The following ATM variants were observed in gnomAD, a reference collection of about 807,000 sequenced individuals.
ATM encodes serine-protein kinase ATM.
ATM carries 308 observed loss-of-function variants against 387.0 expected under a neutral mutation model. The observed-to-expected ratio is 0.80, with a 90% CI of 0.73 to 0.87. The LOEUF (loss-of-function observed/expected upper bound fraction) is 0.87. Among genes scored for constraint, ATM ranks in the 40% least tolerant of loss-of-function variants. ATM has a pLI of 0.00. For missense variants in ATM, 3,312 were observed against 3,560.9 expected, an observed-to-expected ratio of 0.93 and a Z score of 1.78; for synonymous variants, 1,156 against 1,187.3, an observed-to-expected ratio of 0.97 and a Z score of 0.54.
At chr11:108,245,945 G>A (rs905260992) in intron 7 of ATM, among the ~76,000 whole-genome samples, 1 of 150,926 alleles carries the variant, frequency 6.6e-6, no homozygotes, top group African/African-American at 2.4e-5. Flanking sequence ...CTGCCTCAGC[G>A]TTCTGATTAG....
intron 5 of ATM, among the ~76,000 whole-genome samples, chr11:108,240,396 T>C (rs911319089): frequency 6.6e-6 from 1 of 152,200 alleles, no homozygotes. Context: ...GCATGTCATA[T>C]ACAGTTGTGC....
At chr11:108,334,077 A>T in intron 54 of ATM, 109 bp downstream of exon 54, 5 of 826,000 alleles carry the variant, frequency 6.1e-6, no homozygotes, top group Non-Finnish European at 8.1e-6. Flanking sequence ...ATATTGGCAA[A>T]TTTCATATGT....
chr11:108,360,927 G>A (rs1291274621), intron 61 of ATM, among the ~76,000 whole-genome samples: 1 of 112,206 alleles, frequency 8.9e-6, no homozygotes, highest in Non-Finnish European at 1.8e-5. Context: ...ATTCAACATA[G>A]TGTTGGAAGT....
rs2081388548 is a variant in ATM, at chr11:108,268,521, C to T, written c.2750C>T (p.Ser917Phe). The T allele has an allele frequency of 6.2e-7, 1 of 1,614,036 alleles. No individual in the cohort carries two copies. The highest frequency in any genetic ancestry group is 8.5e-7 in the Non-Finnish European group (1 of 1,179,988). ...ACTACTGCTCAGACCAATACTGTGT[C>T]CTTTAGGGCAGCTGATATTCGGAGG... Reference protein sequence around the residue: ...CVTTAQTNTVSFRAADIRRKL... With the variant: ...CVTTAQTNTVFFRAADIRRKL... Residue 917 changes from serine to phenylalanine, a missense_variant, in exon 18 of 63, where the codon TCC (serine) becomes TTC (phenylalanine). By Grantham distance (155) the Ser-to-Phe change is radical. Transcript: ENST00000675843.
Position 108,268,506 on chromosome 11 carries a change from A to G in ATM, c.2735A>G (p.Gln912Arg), listed in dbSNP as rs730881353. 9.9e-6 allele frequency: 16 copies of G among 1,613,982 alleles called. No homozygotes were observed. In the Admixed American group the frequency reaches 1.2e-4, roughly 12 times the overall value. The change falls in exon 18 of 63, where the codon CAG (glutamine) becomes CGG (arginine). Residue 912 changes from glutamine (Q) to arginine (R), a missense_variant. By Grantham distance (43) the Gln-to-Arg change is conservative (BLOSUM62 1). Transcript: ENST00000675843. The stretch of plus-strand genomic sequence containing the variant: ...TTGTGTTTGTGTGTAACTACTGCTC[A>G]GACCAATACTGTGTCCTTTAGGGCA... ...KFLCLCVTTA[Q>R]TNTVSFRAAD...
intron 59 of ATM, among the ~76,000 whole-genome samples, chr11:108,351,847 C>G (rs967859158): frequency 6.6e-6 from 1 of 152,144 alleles, no homozygotes; most frequent in African/African-American, 2.4e-5. Flanking sequence ...ATACTGTTAC[C>G]TGCTAGTCTA....
At chr11:108,362,824 A>G (rs2090937611) in intron 61 of ATM, among the ~76,000 whole-genome samples, 1 of 147,750 alleles carries the variant, frequency 6.8e-6, no homozygotes, top group African/African-American at 2.5e-5. Context: ...GGGGAGGGAT[A>G]GCATTGGGAG....
At chr11:108,235,062 C>T (rs992665609) in intron 4 of ATM, among the ~76,000 whole-genome samples, 1 of 152,014 alleles carries the variant, frequency 6.6e-6, no homozygotes, top group South Asian at 2.1e-4. Flanking sequence ...GATTGCTTTT[C>T]GAGATGAGCA....
intron 8 of ATM, 39 bp from the exon 9 acceptor site, chr11:108,248,894 A>G: frequency 6.4e-7 from 1 of 1,552,828 alleles, no homozygotes; most frequent in South Asian, 1.2e-5. Flanking sequence ...GGCTCAAAAA[A>G]AAAAAAAAGA....
intron 13 of ATM, among the ~76,000 whole-genome samples, chr11:108,254,812 G>A (rs2080373577): frequency 1.3e-5 from 2 of 151,940 alleles, no homozygotes; most frequent in Admixed American, 6.6e-5. Flanking sequence ...CCACGCCCAG[G>A]TAATTTTTGT....
At chr11:108,355,718 T>G (rs941055532) in intron 61 of ATM, 1 of 152,230 alleles carries the variant, frequency 6.6e-6, no homozygotes, top group Admixed American at 6.5e-5. Context: ...CAAACCAGGT[T>G]TCTAGAGATG....
rs78326890 is a variant in ATM at position 108,228,633 on chromosome 11, A to G, written c.186-545A>G. On this transcript the variant is annotated intron_variant, in intron 3 of 62. Transcript: ENST00000675843. ...TTGACTGTTACAGATTTGAAAGCAT[A>G]TAAAATGAAACATGCATGCTGTTTT... 7.1e-4 allele frequency among the ~76,000 whole-genome samples: 108 copies of G among 152,354 alleles called. 3 individuals carry two copies. In the East Asian group the frequency reaches 0.019, roughly 26 times the overall value.
intron 31 of ATM, among the ~76,000 whole-genome samples, chr11:108,294,696 C>T (rs55809153): frequency 1.3e-5 from 2 of 152,098 alleles, no homozygotes; most frequent in South Asian, 2.1e-4. Flanking sequence ...GCCTTGATAG[C>T]GCCACTGCAC....
Position 108,282,842 on chromosome 11 carries a change from A to G in ATM, c.3709A>G (p.Ile1237Val). The G allele has an allele frequency of 6.5e-7, 1 of 1,528,952 alleles. No homozygotes were observed. The highest frequency in any genetic ancestry group is 9.0e-7 in the Non-Finnish European group (1 of 1,105,766). 94.7% of individuals were successfully genotyped at this position (1,528,952 alleles called of 1,614,324 possible). The change falls in exon 25 of 63, where the codon ATT becomes GTT. Residue 1237 changes from isoleucine (I) to valine (V), a missense_variant. By Grantham distance (29) the Ile-to-Val change is conservative. Coordinates refer to ENST00000675843, the MANE Select transcript of ATM (RefSeq NM_000051.4). ...ATACAACTTATCTTCTTTTCCTTTT[A>G]TTTTATTAAACTACACAAATATTGA... ...TEYNLSSFPF[I>V]LLNYTNIEDF...
intron 61 of ATM, among the ~76,000 whole-genome samples, chr11:108,358,170 C>A (rs948427907): frequency 1.3e-5 from 2 of 150,492 alleles, no homozygotes; most frequent in African/African-American, 2.5e-5. Context: ...GGAGCCGATG[C>A]GATCAACTGG....
Position 108,253,967 on chromosome 11 carries a change from G to A in ATM, c.2052G>A (p.Gln684=). 6.2e-7 allele frequency: 1 copy of A among 1,614,050 alleles called. No individual in the cohort carries two copies. The highest frequency in any genetic ancestry group is 1.1e-5 in the South Asian group (1 of 91,082). ...CCAGTATTGGCTTCTCTGTCCACCA[G>A]AATCTCAAGGAATCACTGGATCGCT... ...HQSSIGFSVH[Q]NLKESLDRCL... Residue 684 remains glutamine (Q), a synonymous_variant, in exon 13 of 63, where the codon CAG becomes CAA. Coordinates refer to ENST00000675843, the MANE Select transcript of ATM (RefSeq NM_000051.4).
intron 8 of ATM, among the ~76,000 whole-genome samples, chr11:108,247,335 C>G (rs1195908780): frequency 6.6e-6 from 1 of 152,144 alleles, no homozygotes; most frequent in Non-Finnish European, 1.5e-5. Context: ...TGAAAACTAA[C>G]AATGAACTTT....
chr11:108,266,777 T>G (rs2081272870), intron 16 of ATM, among the ~76,000 whole-genome samples: 1 of 151,998 alleles, frequency 6.6e-6, no homozygotes, highest in South Asian at 2.1e-4. Context: ...CTTGAATTGT[T>G]TGATTAGGTA....
chr11:108,325,949 G>A (rs1179264392), intron 46 of ATM, 109 bp from the exon 47 acceptor site: 3 of 1,339,898 alleles, frequency 2.2e-6, no homozygotes, highest in Non-Finnish European at 3.1e-6. Context: ...TCCCTGACAA[G>A]TAGTTAAGTC....
Sources: allele counts gnomAD v4.1 joint callset (sites outside exome capture counted in the v4.1 genomes callset), GRCh38; gene constraint gnomAD v4.1.1; transcripts MANE v1.5; gene names NCBI Gene and HGNC (gene_info 2026-07-23, HGNC 2026-07-21).